DNAH9: variants seen among roughly 807,000 people sequenced by gnomAD.
The protein encoded by DNAH9 is DNAH9 variant protein.
DNAH9 carries 345 observed loss-of-function variants against 471.6 expected under a neutral mutation model. The observed-to-expected ratio is 0.73, with a 90% CI of 0.67 to 0.80. The LOEUF is 0.80. Among genes scored for constraint, DNAH9 ranks in the 30% least tolerant of loss-of-function variants. The pLI is 0.00. For synonymous variants in DNAH9, 2,093 were observed against 2,123.6 expected (o/e 0.99, Z 0.40); for missense variants, 5,407 against 5,609.2 (o/e 0.96, Z 1.15).
intron 58 of DNAH9, 74 bp from the exon 59 acceptor site, chr17:11,894,300 A>G: frequency 2.5e-6 from 4 of 1,578,612 alleles, no homozygotes; most frequent in Non-Finnish European, 3.5e-6. Flanking sequence ...AATTATACTG[A>G]GTGACAACCC....
intron 43 of DNAH9, among the ~76,000 whole-genome samples, chr17:11,805,887 G>A (rs893261671): frequency 3.3e-5 from 5 of 151,650 alleles, no homozygotes; most frequent in African/African-American, 7.3e-5. Context: ...AATGTTTCAC[G>A]CATCCAGACT....
At chr17:11,745,273 C>T (rs959754385) in intron 31 of DNAH9, among the ~76,000 whole-genome samples, 189 bp downstream of exon 31, 2 of 152,162 alleles carry the variant, frequency 1.3e-5, no homozygotes, top group African/African-American at 4.8e-5. Context: ...GTAGGGAATA[C>T]AAGGGAAAGT....
At chr17:11,847,668 G>A (rs1206285311) in intron 49 of DNAH9, among the ~76,000 whole-genome samples, 1 of 152,118 alleles carries the variant, frequency 6.6e-6, no homozygotes, top group Non-Finnish European at 1.5e-5. Context: ...TATATGAAAA[G>A]CTCTCGTGAA....
rs1289904578 is a variant in DNAH9 at position 11,784,336 on chromosome 17, G to T, written c.7858G>T (p.Ala2620Ser). 7.4e-6 allele frequency: 12 copies of T among 1,614,020 alleles called. No individual in the cohort carries two copies. Among genetic ancestry groups the T allele is most frequent in the Non-Finnish European group, 1.0e-5 (12 of 1,180,042 alleles). The change falls in exon 41 of 69, where the codon GCA (alanine) becomes TCA (serine). Residue 2620 changes from alanine to serine, a missense_variant. Coordinates refer to ENST00000262442, the MANE Select transcript of DNAH9 (RefSeq NM_001372.4). ...FSVFVLSFPG[A>S]DALSSIYSII... ...CGTGTTTGTCCTCTCCTTCCCGGGGGCAGATGCCCTGTCCTCTATCTACAG... is the reference window on the plus strand; with the variant it reads ...CGTGTTTGTCCTCTCCTTCCCGGGGTCAGATGCCCTGTCCTCTATCTACAG...
In DNAH9 at chr17:11,969,643, C is replaced by T. The variant is rs1052352557; in HGVS notation, c.*116C>T. ...AACGGTAAGAAACCATGAGCACTCA[C>T]AATTCTGTAGAATTCCTCTAGGGAA... On this transcript the variant is annotated 3_prime_UTR_variant, in exon 69 of 69. Transcript: ENST00000262442. The T allele has an allele frequency of 2.3e-6, 2 of 860,500 alleles. No homozygotes were observed. The highest frequency in any genetic ancestry group is 1.7e-5 in the African/African-American group (1 of 58,594). The allele number at this position is 860,500 out of a possible 1,614,324, so 53.3% of individuals were successfully genotyped here.
Position 11,823,045 on chromosome 17 carries a change from T to C in DNAH9, c.9246+11T>C. On this transcript the variant is annotated intron_variant, in intron 48 of 68. Coordinates refer to ENST00000262442, the MANE Select transcript of DNAH9 (RefSeq NM_001372.4). ...AGCACCTCTGCCCAGGTGAGCAATG[T>C]CCCGCTCCTTCCACCTGCAGGGGAC... is the stretch of plus-strand genomic sequence containing the variant. 6.3e-7 allele frequency: 1 copy of C among 1,599,252 alleles called. No homozygotes were observed. The highest frequency in any genetic ancestry group is 8.5e-7 in the Non-Finnish European group (1 of 1,171,396).
At chr17:11,806,824 T>C (rs1156459382) in intron 43 of DNAH9, among the ~76,000 whole-genome samples, 2 of 152,216 alleles carry the variant, frequency 1.3e-5, no homozygotes, top group Non-Finnish European at 2.9e-5. Context: ...GTTTTAAAGA[T>C]GAGAAAAGGA....
chr17:11,946,733 T>G (rs1975142109), intron 67 of DNAH9, among the ~76,000 whole-genome samples: 1 of 151,282 alleles, frequency 6.6e-6, no homozygotes. Flanking sequence ...TAACGGTATT[T>G]TAAAATTGAA....
intron 14 of DNAH9, among the ~76,000 whole-genome samples, chr17:11,655,913 TAC>T (rs951506128): frequency 2.0e-5 from 3 of 151,450 alleles, no homozygotes; most frequent in Admixed American, 6.6e-5. Context: ...CACACACACA[TAC>T]ACACACACAT....
At chr17:11,904,737 G>A (rs562156418) in intron 60 of DNAH9, among the ~76,000 whole-genome samples, 9 of 152,106 alleles carry the variant, frequency 5.9e-5, no homozygotes, top group East Asian at 1.9e-4. Flanking sequence ...TAAGGCAGGC[G>A]TAGGAGAATG....
intron 28 of DNAH9, 77 bp downstream of exon 28, chr17:11,727,999 A>G (rs113321639): frequency 1.4e-5 from 13 of 915,812 alleles, no homozygotes; most frequent in South Asian, 4.0e-5. Flanking sequence ...CTTGTTTTCT[A>G]CCTCTCCTGA....
rs1436527263 is a variant in DNAH9 at position 11,762,773 on chromosome 17, T to TGTTTG, written c.6996-667_6996-666insGTTTG. On this transcript the variant is annotated intron_variant, in intron 35 of 68. Coordinates refer to ENST00000262442, the MANE Select transcript of DNAH9 (RefSeq NM_001372.4). ...CTTTAGGTGCGTTTTTTTTTTTGTT[T>TGTTTG]TTTTTTTTTTTTTTTTTTTTTTTTG... 3.3e-3 allele frequency among the ~76,000 whole-genome samples: 357 copies of TGTTTG among 109,256 alleles called. 11 individuals carry two copies. The highest frequency in any genetic ancestry group is 5.0e-3 in the South Asian group (16 of 3,220). The allele number at this position is 109,256 out of a possible 152,430, so 71.7% of individuals were successfully genotyped here.
At chr17:11,620,797 C>T (rs919121906) in intron 6 of DNAH9, among the ~76,000 whole-genome samples, 1 of 152,184 alleles carries the variant, frequency 6.6e-6, no homozygotes, top group South Asian at 2.1e-4. Context: ...TCCTCCTCCA[C>T]TCCCCAATCT....
intron 48 of DNAH9, among the ~76,000 whole-genome samples, chr17:11,832,757 C>A (rs951809020): frequency 6.6e-6 from 1 of 152,140 alleles, no homozygotes; most frequent in African/African-American, 2.4e-5. Flanking sequence ...TTGACGTGTT[C>A]CAGGAGCTCT....
chr17:11,874,526 C>T (rs940817760), intron 52 of DNAH9, among the ~76,000 whole-genome samples: 4 of 152,128 alleles, frequency 2.6e-5, no homozygotes, highest in African/African-American at 9.7e-5. Context: ...CCGGTTGGTA[C>T]AGACAGGAGC....
chr17:11,900,951 C>T (rs1973390500), intron 59 of DNAH9, among the ~76,000 whole-genome samples: 1 of 152,154 alleles, frequency 6.6e-6, no homozygotes, highest in Non-Finnish European at 1.5e-5. Flanking sequence ...TACACACACA[C>T]CCAAAATACA....
chr17:11,903,703 A>G (rs965965765), intron 60 of DNAH9, among the ~76,000 whole-genome samples: 1 of 152,014 alleles, frequency 6.6e-6, no homozygotes, highest in Non-Finnish European at 1.5e-5. Flanking sequence ...TAAGGTCAGG[A>G]GTTTGAGACC....
rs781673375 is a variant in DNAH9 at position 11,880,108 on chromosome 17, A to G, written c.10509A>G (p.Glu3503=). 14 of 1,613,924 alleles carry G rather than the reference A, an allele frequency of 8.7e-6. No individual in the cohort carries two copies. Among genetic ancestry groups the G allele is most frequent in the Non-Finnish European group, 1.0e-5 (12 of 1,179,952 alleles). The change falls in exon 54 of 69, where the codon GAA becomes GAG. Residue 3503 remains glutamate (E), a synonymous_variant. Transcript: ENST00000262442. ...TTCAAATCATAGAGCAGGCCCTGGA[A>G]GCTGGAGCTGTGGTGCTGATTGAAA... is the stretch of plus-strand genomic sequence containing the variant. ...GYLQIIEQAL[E]AGAVVLIENL... is the part of the protein sequence containing the mutation.
intron 28 of DNAH9, among the ~76,000 whole-genome samples, chr17:11,735,312 C>T (rs961773451): frequency 6.6e-6 from 1 of 152,112 alleles, no homozygotes; most frequent in Non-Finnish European, 1.5e-5. Flanking sequence ...CTTGCTGTGA[C>T]AACAAAAGTG....
Sources: gnomAD v4.1 joint callset for allele counts (sites outside exome capture counted in the v4.1 genomes callset) on GRCh38, gnomAD v4.1.1 for gene constraint, MANE v1.5 for transcripts, NCBI Gene and HGNC (gene_info 2026-07-23, HGNC 2026-07-21) for gene names.